Variants in LANCL1 observed in about 807,000 individuals in gnomAD.
The protein encoded by LANCL1 is glutathione S-transferase LANCL1.
In LANCL1, 50 loss-of-function variants were observed where a neutral mutation model predicts 50.6. The observed-to-expected ratio is 0.99, with a 90% CI of 0.79 to 1.25. The LOEUF (loss-of-function observed/expected upper bound fraction) is 1.25, where lower values mean the gene tolerates loss of function less well. LANCL1 is among the 50% of genes most tolerant of loss of function. The pLI is 0.00. For synonymous variants in LANCL1, 188 were observed against 178.6 expected (o/e 1.05, Z -0.42); for missense variants, 532 against 480.7 (o/e 1.11, Z -1.00).
At chr2:210,454,206 A>G (rs957002111) in intron 4 of LANCL1, among the ~76,000 whole-genome samples, 2 of 147,836 alleles carry the variant, frequency 1.4e-5, no homozygotes, top group African/African-American at 5.0e-5. Context: ...GAGAGAAGGG[A>G]GATATGCATA....
At chr2:210,452,232 TAAA>T (rs34667709) in intron 4 of LANCL1, among the ~76,000 whole-genome samples, 2 of 141,976 alleles carry the variant, frequency 1.4e-5, no homozygotes, top group African/African-American at 5.2e-5. Context: ...TTCTGCTTAT[TAAA>T]AAAAAAAAAA....
chr2:210,439,915 T>C (rs1342363662), intron 6 of LANCL1, among the ~76,000 whole-genome samples: 1 of 152,240 alleles, frequency 6.6e-6, no homozygotes, highest in East Asian at 1.9e-4. Context: ...CCATGAATTC[T>C]TATTCAGAAG....
chr2:210,459,002 G>C (rs895656813), intron 3 of LANCL1, among the ~76,000 whole-genome samples: 1 of 152,014 alleles, frequency 6.6e-6, no homozygotes, highest in African/African-American at 2.4e-5. Flanking sequence ...GCTTAAATTT[G>C]AATATCACAT....
chr2:210,439,520 C>G (rs551082097), intron 6 of LANCL1, among the ~76,000 whole-genome samples: 2 of 152,244 alleles, frequency 1.3e-5, no homozygotes, highest in Non-Finnish European at 2.9e-5. Flanking sequence ...ACATTTACTA[C>G]TGGGAATAGA....
chr2:210,442,491 AT>A (rs1693174849), intron 4 of LANCL1: 1 of 152,232 alleles, frequency 6.6e-6, no homozygotes. Context: ...ATCCCTACGG[AT>A]AGACTCAGTT....
intron 2 of LANCL1, among the ~76,000 whole-genome samples, chr2:210,474,224 C>T (rs1694295124): frequency 1.3e-5 from 2 of 152,068 alleles, no homozygotes; most frequent in Non-Finnish European, 2.9e-5. Flanking sequence ...CAGACCAGTT[C>T]CTTACTGAAA....
intron 7 of LANCL1, 60 bp downstream of exon 7, chr2:210,437,630 A>T (rs1692977943): frequency 7.5e-6 from 8 of 1,067,088 alleles, no homozygotes; most frequent in Non-Finnish European, 9.0e-6. Flanking sequence ...GATAAAACTA[A>T]TTTTAAATTA....
intron 3 of LANCL1, among the ~76,000 whole-genome samples, chr2:210,463,474 CCT>C (rs367678542): frequency 2.1e-3 from 317 of 152,228 alleles, no homozygotes; most frequent in African/African-American, 4.8e-3. Flanking sequence ...GTGCCTGCAC[CCT>C]GTCTTGTCAT....
intron 2 of LANCL1, among the ~76,000 whole-genome samples, chr2:210,472,852 A>G (rs1173875371): frequency 6.6e-6 from 1 of 152,176 alleles, no homozygotes; most frequent in African/African-American, 2.4e-5. Flanking sequence ...CAGGGATGTA[A>G]ATGTTGACAT....
intron 4 of LANCL1, among the ~76,000 whole-genome samples, chr2:210,452,470 A>G (rs1255419025): frequency 6.6e-6 from 1 of 152,128 alleles, no homozygotes; most frequent in Non-Finnish European, 1.5e-5. Context: ...CAGTAGAACA[A>G]ATTAATGCAA....
At chr2:210,471,291 C>T (rs3856346) in intron 3 of LANCL1, among the ~76,000 whole-genome samples, 65,415 of 151,022 alleles carry the variant, frequency 0.43, 15,412 homozygotes, top group East Asian at 0.61. Flanking sequence ...GTGATCCACC[C>T]GCCTCGGCCT....
In LANCL1 at chr2:210,476,393, C is replaced by T. The variant is rs1694375318; in HGVS notation, c.4G>A (p.Ala2Thr). MAQRAFPNPYAD... is the reference protein window; with the variant it reads MTQRAFPNPYAD... ...TAAGGATTCGGGAAGGCCCTTTGAG[C>T]CATGACGCCGGAAGCAAGCCTGCAG... Residue 2 changes from alanine (A) to threonine (T), a missense_variant, in exon 2 of 10, where the codon GCT becomes ACT. Coordinates refer to ENST00000450366, the MANE Select transcript of LANCL1 (RefSeq NM_006055.3). 6.2e-7 allele frequency: 1 copy of T among 1,613,658 alleles called. No individual in the cohort carries two copies. The highest frequency in any genetic ancestry group is 8.5e-7 in the Non-Finnish European group (1 of 1,179,882).
intron 4 of LANCL1, 124 bp downstream of exon 4, chr2:210,454,983 A>G (rs1693620161): frequency 2.7e-6 from 2 of 735,198 alleles, no homozygotes; most frequent in Admixed American, 2.7e-5. Context: ...AATTGATCAA[A>G]TGACAGCAGT....
At chr2:210,462,819 A>T (rs567216680) in intron 3 of LANCL1, among the ~76,000 whole-genome samples, 1 of 152,258 alleles carries the variant, frequency 6.6e-6, no homozygotes, top group South Asian at 2.1e-4. Flanking sequence ...TTACTTTCCA[A>T]ATTCCTTTCA....
chr2:210,477,386 T>G, upstream of LANCL1: 1 of 441,196 alleles, frequency 2.3e-6, no homozygotes, highest in Non-Finnish European at 3.2e-6. Context: ...CAACATTCAA[T>G]TTCAATGTTT....
At position 210,465,854 on chromosome 2, in the gene LANCL1, T is replaced by TG. The variant is rs567475238; in HGVS notation, c.199+6104dup. Among the ~76,000 whole-genome samples the TG allele has an allele frequency of 2.7e-3, 414 of 151,820 alleles. 11 individuals carry two copies. In the South Asian group the frequency reaches 0.041, roughly 15 times the overall value. ...CCTGAAAAGGTTTTGAACCCTATTCTGGGGGGGGAAAAGCCACAAAGGACA... is the reference window on the plus strand; with the variant it reads ...CCTGAAAAGGTTTTGAACCCTATTCTGGGGGGGGGAAAAGCCACAAAGGACA... On this transcript the variant is annotated intron_variant, in intron 3 of 9. Coordinates refer to ENST00000450366, the MANE Select transcript of LANCL1 (RefSeq NM_006055.3).
intron 6 of LANCL1, among the ~76,000 whole-genome samples, chr2:210,438,133 CTTT>C (rs397869730): frequency 3.1e-5 from 4 of 130,624 alleles, no homozygotes; most frequent in Non-Finnish European, 4.9e-5. Context: ...GTTTTTCTTT[CTTT>C]TTTTTTTTTT....
intron 3 of LANCL1, among the ~76,000 whole-genome samples, chr2:210,461,818 A>T (rs200995814): frequency 1.3e-5 from 2 of 152,232 alleles, no homozygotes; most frequent in East Asian, 3.9e-4. Context: ...TGGGAAAAAA[A>T]ATGAAATAAG....
chr2:210,472,700 G>A (rs971002219), intron 2 of LANCL1, among the ~76,000 whole-genome samples: 5 of 152,104 alleles, frequency 3.3e-5, no homozygotes, highest in African/African-American at 7.2e-5. Flanking sequence ...ATCCTTACCC[G>A]CTATTAGCTG....
Sources: gnomAD v4.1 joint callset for allele counts (sites outside exome capture counted in the v4.1 genomes callset) on GRCh38, gnomAD v4.1.1 for gene constraint, MANE v1.5 for transcripts, NCBI Gene and HGNC (gene_info 2026-07-23, HGNC 2026-07-21) for gene names.